The following CFAP65 variants were observed in gnomAD, a reference collection of about 807,000 sequenced individuals.
CFAP65 encodes cilia and flagella associated protein 65.
In CFAP65, 155 loss-of-function variants were observed where a neutral mutation model predicts 208.0. The observed-to-expected ratio is 0.75, with a 90% CI of 0.65 to 0.85. CFAP65 has a LOEUF of 0.85. CFAP65 is among the 40% of genes least tolerant of loss of function. The pLI, the probability that CFAP65 is intolerant of heterozygous loss-of-function variation, is 0.00. For synonymous variants in CFAP65, 970 were observed against 986.3 expected, an observed-to-expected ratio of 0.98 and a Z score of 0.31; for missense variants, 2,294 against 2,451.3, an observed-to-expected ratio of 0.94 and a Z score of 1.36.
At chr2:219,025,639 G>A (rs1005817653) in intron 14 of CFAP65, among the ~76,000 whole-genome samples, 6 of 152,300 alleles carry the variant, frequency 3.9e-5, no homozygotes, top group African/African-American at 1.4e-4. Context: ...CCAAAGGCAG[G>A]GGCTGCTGGT....
chr2:219,008,483 G>A (rs1259869886), intron 29 of CFAP65, among the ~76,000 whole-genome samples: 2 of 152,194 alleles, frequency 1.3e-5, no homozygotes, highest in Non-Finnish European at 2.9e-5. Flanking sequence ...AGTGGCTCAC[G>A]CCTGTAATTT....
chr2:219,027,360 CAGGG>C (rs1947696681), intron 13 of CFAP65: 1 of 1,454,604 alleles, frequency 6.9e-7, no homozygotes, highest in African/African-American at 1.4e-5. Flanking sequence ...CCAGGAGCCC[CAGGG>C]AGTATCTCCC....
chr2:219,027,148 T>A, intron 13 of CFAP65: 1 of 1,147,502 alleles, frequency 8.7e-7, no homozygotes, highest in Non-Finnish European at 1.1e-6. Flanking sequence ...GCACCACGCA[T>A]CTGGGGCCAG....
rs866500654 is a variant in CFAP65 at position 219,003,362 on chromosome 2, C to T, written c.5556-90G>A. 2.3e-5 allele frequency: 33 copies of T among 1,419,820 alleles called. 1 individual carries two copies. In the Middle Eastern group the frequency reaches 2.0e-3, roughly 85 times the overall value. 88.0% of individuals were successfully genotyped at this position (1,419,820 alleles called of 1,614,324 possible). On this transcript the variant is annotated intron_variant, in intron 33 of 34. Coordinates refer to ENST00000341552, the MANE Select transcript of CFAP65 (RefSeq NM_194302.4). The surrounding 1 kb of genome is among the most constrained non-coding windows in gnomAD (Gnocchi z 4.4). ...TCCGTGCGGTACATTGTGCCGCGAG[C>T]TCTACGGAGATTCCCATTCGACTCC...
chr2:219,023,550 C>T (rs1020253579), intron 15 of CFAP65, 119 bp from the exon 16 acceptor site: 7 of 712,182 alleles, frequency 9.8e-6, no homozygotes, highest in African/African-American at 1.8e-5. Flanking sequence ...CAGTCAAAGG[C>T]CCTCTGCCAG....
intron 1 of CFAP65, among the ~76,000 whole-genome samples, chr2:219,041,019 C>A (rs1948628564): frequency 6.6e-6 from 1 of 152,246 alleles, no homozygotes; most frequent in African/African-American, 2.4e-5. Context: ...CTAGCCTGCA[C>A]TATTCTTCCA....
rs764298277 is a variant in CFAP65, at chr2:219,021,915, G to A, written c.2995C>T (p.Leu999=). Residue 999 remains leucine (L), a synonymous_variant, in exon 18 of 35, where the codon CTG becomes TTG. Transcript: ENST00000341552. The part of the protein sequence containing the change: ...TSSLSAKEKE[L]AFGNVLVNSK... ...TTCACCAGCACATTCCCAAAGGCCAGCTCCTTTTCCTTTGCCTGGAGGCCA... is the reference window on the plus strand; with the variant it reads ...TTCACCAGCACATTCCCAAAGGCCAACTCCTTTTCCTTTGCCTGGAGGCCA... 2 of 1,613,460 alleles carry A rather than the reference G, an allele frequency of 1.2e-6. No individual in the cohort carries two copies. Among genetic ancestry groups the A allele is most frequent in the African/African-American group, 2.7e-5 (2 of 74,938 alleles).
At chr2:219,027,421 C>T in intron 13 of CFAP65, 1 of 1,506,892 alleles carries the variant, frequency 6.6e-7, no homozygotes, top group Non-Finnish European at 8.9e-7. Flanking sequence ...TGAGTTCTCC[C>T]TTGGAGGGGA....
rs770134961 is a variant in CFAP65 at position 219,003,987 on chromosome 2, C to A, written c.5520G>T (p.Glu1840Asp). 4 of 1,613,856 alleles carry A rather than the reference C, an allele frequency of 2.5e-6. No individual in the cohort carries two copies. Among genetic ancestry groups the A allele is most frequent in the Non-Finnish European group, 3.4e-6 (4 of 1,179,976 alleles). Residue 1840 changes from glutamate to aspartate, a missense_variant, in exon 33 of 35, where the codon GAG becomes GAT. Around this residue, in one of 2 missense-constraint regions of CFAP65, gnomAD observed 1,427 missense variants for 1,438.7 expected, o/e 0.99. Transcript: ENST00000341552. This position sits in a 1 kb window ranked among gnomAD's most constrained non-coding sequence, Gnocchi z 4.4. ...WQQQLNVMVK[E>D]EQEQDEKEAI... The stretch of plus-strand genomic sequence containing the variant: ...CCTCCTTCTCGTCCTGTTCTTGCTC[C>A]TCCTTCACCATGACATTCAGCTGCT...
chr2:219,034,728 A>G (rs1298792358), intron 5 of CFAP65: 2 of 152,266 alleles, frequency 1.3e-5, no homozygotes, highest in Non-Finnish European at 2.9e-5. Context: ...TTGATCATAA[A>G]TTTCACACAT....
At position 219,010,688 on chromosome 2, in the gene CFAP65, T is replaced by G; in HGVS notation, c.4166A>C (p.His1389Pro). 6.2e-7 allele frequency: 1 copy of G among 1,608,334 alleles called. No individual in the cohort carries two copies. The highest frequency in any genetic ancestry group is 1.7e-5 in the Admixed American group (1 of 58,916). The change falls in exon 26 of 35, where the codon CAC (histidine) becomes CCC (proline). Residue 1389 changes from histidine to proline, a missense_variant. His to Pro is a moderately conservative substitution (Grantham distance 77). Around this residue, in one of 2 missense-constraint regions of CFAP65, gnomAD observed 1,427 missense variants for 1,438.7 expected, o/e 0.99. Transcript: ENST00000341552. ...GAGGGCCGAGTTCCATCCCAGGATGTGTATGGGCACGTCCACCTGGGGAGT... is the reference window on the plus strand; with the variant it reads ...GAGGGCCGAGTTCCATCCCAGGATGGGTATGGGCACGTCCACCTGGGGAGT... ...AKTYTVDVPI[H>P]ILGWNSALIH...
chr2:219,027,031 C>T, intron 13 of CFAP65: 1 of 1,000,692 alleles, frequency 1.0e-6, no homozygotes, highest in Non-Finnish European at 1.2e-6. Context: ...CTTGACCGCA[C>T]AGCCCTACTT....
At chr2:219,018,803 A>G (rs1947075152) in intron 21 of CFAP65, 3 of 528,754 alleles carry the variant, frequency 5.7e-6, no homozygotes, top group African/African-American at 3.8e-5. Flanking sequence ...TAAGGCCACT[A>G]TGCCCAGGCT....
chr2:219,018,949 A>C, intron 21 of CFAP65, 102 bp downstream of exon 21: 2 of 1,508,480 alleles, frequency 1.3e-6, no homozygotes, highest in Non-Finnish European at 1.8e-6. Context: ...CACAGACAGC[A>C]AGCAGCCAGG....
chr2:219,018,977 G>A (rs1947087584), intron 21 of CFAP65, 74 bp downstream of exon 21: 6 of 1,587,094 alleles, frequency 3.8e-6, no homozygotes, highest in Non-Finnish European at 5.2e-6. Flanking sequence ...GGGCAAGAGA[G>A]TGCAGCTCTT....
chr2:219,011,286 T>C (rs1946465392), intron 24 of CFAP65, among the ~76,000 whole-genome samples: 3 of 144,554 alleles, frequency 2.1e-5, no homozygotes, highest in African/African-American at 7.9e-5. Context: ...TTTTTTTTTT[T>C]TTTTTTGAGA....
chr2:219,028,061 T>C, intron 12 of CFAP65, 52 bp from the exon 13 acceptor site: 1 of 1,522,662 alleles, frequency 6.6e-7, no homozygotes, highest in Non-Finnish European at 8.8e-7. Flanking sequence ...CCTCTTGCTG[T>C]TGCCCCTCCT....
Position 219,028,346 on chromosome 2 carries a change from G to T in CFAP65, c.1706C>A (p.Ala569Asp). ...GGTGAGGTGCTGAGGCTTCAGGATG[G>T]CTGGCTTGGTGCTGTCCGAGTGGCA... ...GTCHSDSTKP[A>D]ILKPQHLTWY... The change falls in exon 12 of 35, where the codon GCC becomes GAC. Residue 569 changes from alanine (A) to aspartate (D), a missense_variant. Around this residue, in one of 2 missense-constraint regions of CFAP65, gnomAD observed 867 missense variants for 1,012.6 expected, o/e 0.86. Transcript: ENST00000341552. 1.2e-6 allele frequency: 2 copies of T among 1,613,888 alleles called. No homozygotes were observed. The highest frequency in any genetic ancestry group is 1.7e-6 in the Non-Finnish European group (2 of 1,179,978).
In CFAP65 at chr2:219,031,161, C is replaced by G; in HGVS notation, c.960G>C (p.Thr320=). 6.2e-7 allele frequency: 1 copy of G among 1,609,340 alleles called. No individual in the cohort carries two copies. Among genetic ancestry groups the G allele is most frequent in the East Asian group, 2.2e-5 (1 of 44,754 alleles). ...LTAVIYEVQA[T]CWYGAGSRQR... ...GCCGGCTGCCCGCCCCGTACCAGCA[C>G]GTGGCCTGCACCTCGTAGATGACGG... The change falls in exon 8 of 35, where the codon ACG becomes ACC. Residue 320 remains threonine (T), a synonymous_variant. Coordinates refer to ENST00000341552, the MANE Select transcript of CFAP65 (RefSeq NM_194302.4). This position sits in a 1 kb window ranked among gnomAD's most constrained non-coding sequence, Gnocchi z 5.2.
Sources: gnomAD v4.1 joint callset for allele counts (sites outside exome capture counted in the v4.1 genomes callset) on GRCh38, gnomAD v4.1.1 for gene constraint, gnomAD v4.1.1 regional missense constraint, Gnocchi (gnomAD v3.1) non-coding constraint, MANE v1.5 for transcripts, NCBI Gene and HGNC (gene_info 2026-07-23, HGNC 2026-07-21) for gene names.